STK32B: variants seen among roughly 807,000 people sequenced by gnomAD.
The protein encoded by STK32B is serine/threonine-protein kinase 32B.
Under a neutral mutation model 52.6 loss-of-function variants are expected in STK32B, and 43 were observed. The ratio of observed to expected loss-of-function variants is 0.82; its 90% CI spans 0.64 to 1.05. The LOEUF (loss-of-function observed/expected upper bound fraction) is 1.05. Ranked by LOEUF, STK32B falls within the 50% of genes least tolerant of loss-of-function variation. The probability of loss-of-function intolerance (pLI) is 0.00; values close to 1 mark genes in which losing one functional copy is unlikely to be tolerated. For missense variants in STK32B, 621 were observed against 534.6 expected (o/e 1.16, Z -1.59); for synonymous variants, 238 against 204.3 (o/e 1.17, Z -1.41).
chr4:5,272,749 C>T (rs1375940826), intron 3 of STK32B, among the ~76,000 whole-genome samples: 1 of 147,052 alleles, frequency 6.8e-6, no homozygotes, highest in Non-Finnish European at 1.5e-5. Context: ...GAAAGGATTC[C>T]CTATTTAATA....
At chr4:5,092,590 C>A (rs1208227444) in intron 1 of STK32B, among the ~76,000 whole-genome samples, 14 of 151,458 alleles carry the variant, frequency 9.2e-5, no homozygotes, top group Non-Finnish European at 1.9e-4. Context: ...ATAAAGACAA[C>A]AGGTTTAATT....
chr4:5,030,908 C>T, the STK32B span, among the ~76,000 whole-genome samples: 4 of 152,102 alleles, frequency 2.6e-5, no homozygotes, highest in African/African-American at 9.7e-5. Flanking sequence ...CACATCTATA[C>T]ATATACATGG....
rs557111429 is a variant in STK32B, at chr4:5,441,311, A to T, written c.563-5362A>T. ...TGTTATTGGTCTATTCAGAGATTCA[A>T]CTTCTTCCTGGTTTAGTCTTGGGAG... On this transcript the variant is annotated intron_variant, in intron 6 of 11. Coordinates refer to ENST00000282908, the MANE Select transcript of STK32B (RefSeq NM_018401.3). 3.3e-3 allele frequency among the ~76,000 whole-genome samples: 501 copies of T among 151,704 alleles called. 2 individuals carry two copies. The highest frequency in any genetic ancestry group is 0.011 in the African/African-American group (472 of 41,468).
At position 5,343,277 on chromosome 4, in the gene STK32B, C is replaced by A. The variant is rs574849421; in HGVS notation, c.434+11884C>A. ...ATCCATGTCCCTACAAAGGACATGA[C>A]CTCATCATTTTTTATGGCTGCATAG... On this transcript the variant is annotated intron_variant, in intron 4 of 11. Coordinates refer to ENST00000282908, the MANE Select transcript of STK32B (RefSeq NM_018401.3). Among the ~76,000 whole-genome samples, 656 of 152,014 alleles carry A rather than the reference C, an allele frequency of 4.3e-3. 2 individuals carry two copies. The highest frequency in any genetic ancestry group is 0.014 in the African/African-American group (597 of 41,418).
At chr4:5,060,778 A>G (rs1472454100) in intron 1 of STK32B, among the ~76,000 whole-genome samples, 2 of 152,154 alleles carry the variant, frequency 1.3e-5, no homozygotes, top group Non-Finnish European at 2.9e-5. Flanking sequence ...GTCTTTTGCC[A>G]GTTATCAAAT....
chr4:5,040,371 G>A, the STK32B span, among the ~76,000 whole-genome samples: 1 of 149,760 alleles, frequency 6.7e-6, no homozygotes, highest in Non-Finnish European at 1.5e-5. Flanking sequence ...TGCACATGAT[G>A]AGGCAGTGGC....
chr4:5,080,762 C>T (rs545995606), intron 1 of STK32B, among the ~76,000 whole-genome samples: 124 of 152,088 alleles, frequency 8.2e-4, no homozygotes, highest in African/African-American at 2.9e-3. Context: ...ACATATATAT[C>T]GCCTTACATA....
chr4:5,069,616 C>T (rs1401833805), intron 1 of STK32B, among the ~76,000 whole-genome samples: 1 of 152,192 alleles, frequency 6.6e-6, no homozygotes. Flanking sequence ...ACCTCTCTGA[C>T]CCTCAGTCTC....
At chr4:5,405,862 G>A (rs114679359) in intron 5 of STK32B, among the ~76,000 whole-genome samples, 19 of 152,160 alleles carry the variant, frequency 1.2e-4, no homozygotes, top group Non-Finnish European at 2.2e-4. Context: ...GACACACACC[G>A]TATTATTTCA....
intron 2 of STK32B, chr4:5,140,324 A>G (rs970287239): frequency 1.6e-5 from 20 of 1,261,062 alleles, no homozygotes; most frequent in Non-Finnish European, 2.0e-5. Context: ...CATATTTGTG[A>G]TCTTTGACTA....
At chr4:5,155,122 C>T (rs1051071524) in intron 2 of STK32B, among the ~76,000 whole-genome samples, 1 of 152,318 alleles carries the variant, frequency 6.6e-6, no homozygotes, top group East Asian at 1.9e-4. Flanking sequence ...CTTCTCTCCA[C>T]CTCAGTCACC....
chr4:5,474,511 G>A (rs569730187), intron 11 of STK32B, among the ~76,000 whole-genome samples: 2 of 152,320 alleles, frequency 1.3e-5, no homozygotes, highest in South Asian at 4.1e-4. Flanking sequence ...GGAAAGGTTA[G>A]TCCTTGTATT....
chr4:5,170,702 T>G (rs1207656553), intron 3 of STK32B, among the ~76,000 whole-genome samples: 1 of 152,210 alleles, frequency 6.6e-6, no homozygotes, highest in Non-Finnish European at 1.5e-5. Context: ...CTTAATCCAG[T>G]CTATCATTGT....
intron 3 of STK32B, among the ~76,000 whole-genome samples, chr4:5,242,421 G>A (rs1725102376): frequency 6.6e-6 from 1 of 152,132 alleles, no homozygotes; most frequent in African/African-American, 2.4e-5. Flanking sequence ...TTTTGATGGG[G>A]TTGTTTGTTT....
intron 4 of STK32B, among the ~76,000 whole-genome samples, chr4:5,371,182 G>A (rs1289860720): frequency 6.6e-6 from 1 of 151,964 alleles, no homozygotes; most frequent in African/African-American, 2.4e-5. Context: ...AAAGACAGCT[G>A]GGATTACAGC....
Position 5,442,546 on chromosome 4 carries a change from G to C in STK32B, c.563-4127G>C, listed in dbSNP as rs1328568372. On this transcript the variant is annotated intron_variant, in intron 6 of 11. Transcript: ENST00000282908. The stretch of plus-strand genomic sequence containing the variant: ...TGAATACAGCACACTGATGGGTCTT[G>C]ACTCTTTATCCAATTTGCCAGTCTG... Among the ~76,000 whole-genome samples the C allele has an allele frequency of 9.3e-5, 14 of 150,658 alleles. No homozygotes were observed. In the East Asian group the frequency reaches 2.9e-3, roughly 31 times the overall value.
intron 3 of STK32B, among the ~76,000 whole-genome samples, chr4:5,283,262 T>A (rs1463287105): frequency 6.6e-6 from 1 of 151,898 alleles, no homozygotes; most frequent in Non-Finnish European, 1.5e-5. Flanking sequence ...CTTCTTTTTT[T>A]AAAAGGCTAA....
chr4:5,053,197 T>C (rs1577612416), intron 1 of STK32B, among the ~76,000 whole-genome samples: 1 of 152,326 alleles, frequency 6.6e-6, no homozygotes, highest in East Asian at 1.9e-4. Context: ...TTAAAGGAGT[T>C]CCTAGTCTAA....
intron 3 of STK32B, among the ~76,000 whole-genome samples, chr4:5,313,761 G>A (rs1730472897): frequency 1.3e-5 from 2 of 152,080 alleles, no homozygotes; most frequent in South Asian, 2.1e-4. Context: ...TACAGCACTA[G>A]CATCCAAAGA....
Sources: gnomAD v4.1 joint callset for allele counts (sites outside exome capture counted in the v4.1 genomes callset) on GRCh38, gnomAD v4.1.1 for gene constraint, MANE v1.5 for transcripts, NCBI Gene and HGNC (gene_info 2026-07-23, HGNC 2026-07-21) for gene names.